Variants in TLCD4 observed in about 807,000 individuals in gnomAD.
TLCD4 encodes TLC domain-containing protein 4.
Under a neutral mutation model 24.2 loss-of-function variants are expected in TLCD4, and 7 were observed. The ratio of observed to expected loss-of-function variants is 0.29; its 90% CI spans 0.16 to 0.54. TLCD4 has a LOEUF of 0.54. TLCD4 is among the 20% of genes least tolerant of loss of function. The pLI, the probability that TLCD4 is intolerant of heterozygous loss-of-function variation, is 0.95. For synonymous variants in TLCD4, 103 were observed against 106.4 expected, an observed-to-expected ratio of 0.97 and a Z score of 0.20; for missense variants, 259 against 313.9, an observed-to-expected ratio of 0.82 and a Z score of 1.32.
the TLCD4 span, among the ~76,000 whole-genome samples, chr1:95,105,918 G>GA: frequency 4.1e-5 from 4 of 98,142 alleles, no homozygotes; most frequent in African/African-American, 1.2e-4. Context: ...AAAAAGAAAA[G>GA]AAAAAAGAAA....
the TLCD4 span, among the ~76,000 whole-genome samples, chr1:95,095,946 C>T: frequency 2.0e-5 from 3 of 152,116 alleles, no homozygotes; most frequent in South Asian, 2.1e-4. Context: ...ATGAGGTAAG[C>T]GATCAGGAGC....
intron 5 of TLCD4, among the ~76,000 whole-genome samples, chr1:95,173,463 C>T (rs951821125): frequency 6.6e-6 from 1 of 152,220 alleles, no homozygotes; most frequent in African/African-American, 2.4e-5. Flanking sequence ...GCGCGTGCCA[C>T]GTGATCATTC....
chr1:95,098,418 T>C, the TLCD4 span, among the ~76,000 whole-genome samples: 3 of 152,202 alleles, frequency 2.0e-5, no homozygotes, highest in Non-Finnish European at 4.4e-5. Context: ...ACCACTTTAG[T>C]GGCCTTAGCT....
At chr1:95,099,178 A>C in the TLCD4 span, among the ~76,000 whole-genome samples, 1 of 151,962 alleles carries the variant, frequency 6.6e-6, no homozygotes, top group South Asian at 2.1e-4. Context: ...CTATAATTCC[A>C]GCACTTTGGG....
chr1:95,126,129 T>TA lies in TLCD4; in HGVS notation c.-12+8525dup, dbSNP rs35251348. 6.6e-3 allele frequency among the ~76,000 whole-genome samples: 860 copies of TA among 129,482 alleles called. 5 individuals carry two copies. Among genetic ancestry groups the TA allele is most frequent in the African/African-American group, 0.021 (757 of 35,262 alleles). 84.9% of individuals were successfully genotyped at this position (129,482 alleles called of 152,430 possible). A position where few individuals can be genotyped will look rare whatever the true frequency, so the allele number is the denominator to read the frequency against. On this transcript the variant is annotated intron_variant, in intron 1 of 6. Transcript: ENST00000370203. The stretch of plus-strand genomic sequence containing the variant: ...CAACATAGCGAGACGCCATCACTAT[T>TA]AAAAAAAAAAAAAGAGGCCAAGCGC...
Position 95,195,736 on chromosome 1 carries a change from A to G in TLCD4, c.*3868A>G, listed in dbSNP as rs1553174108. 1.3e-5 allele frequency: 2 copies of G among 152,174 alleles called. No individual in the cohort carries two copies. Among genetic ancestry groups the G allele is most frequent in the African/African-American group, 2.4e-5 (1 of 41,444 alleles). 9.4% of individuals were successfully genotyped at this position (152,174 alleles called of 1,614,324 possible). A position where few individuals can be genotyped will look rare whatever the true frequency, so the allele number is the denominator to read the frequency against. ...GAAAGTGAGTTCTGATGCAAAACAC[A>G]TGTGAGGTGTGTAGGAACAATGAAA... On this transcript the variant is annotated 3_prime_UTR_variant, in exon 7 of 7. Coordinates refer to ENST00000370203, the MANE Select transcript of TLCD4 (RefSeq NM_152487.3).
intron 6 of TLCD4, among the ~76,000 whole-genome samples, chr1:95,174,429 G>A (rs757057029): frequency 2.6e-5 from 4 of 151,194 alleles, no homozygotes; most frequent in Non-Finnish European, 5.9e-5. Context: ...CCAGCACTTT[G>A]GGAGGTTGAG....
At chr1:95,165,133 C>T (rs1338886561) in intron 5 of TLCD4, 1 of 152,264 alleles carries the variant, frequency 6.6e-6, no homozygotes, top group African/African-American at 2.4e-5. Context: ...ACTGTTTCCT[C>T]AATCCCATGT....
At chr1:95,119,348 A>C (rs1056139391) in intron 1 of TLCD4, among the ~76,000 whole-genome samples, 2 of 152,164 alleles carry the variant, frequency 1.3e-5, no homozygotes, top group African/African-American at 4.8e-5. Context: ...TCTGATTGCC[A>C]AGGGAAGTCT....
chr1:95,122,945 T>A (rs1396396301), intron 1 of TLCD4, among the ~76,000 whole-genome samples: 2 of 152,166 alleles, frequency 1.3e-5, no homozygotes, highest in Non-Finnish European at 2.9e-5. Context: ...CAAGTTCTTT[T>A]TATAAAGTGT....
At chr1:95,178,886 C>G (rs1453281608) in intron 6 of TLCD4, among the ~76,000 whole-genome samples, 9 of 152,222 alleles carry the variant, frequency 5.9e-5, no homozygotes, top group Admixed American at 3.3e-4. Flanking sequence ...ATATTTCCCT[C>G]TATACTCAGT....
chr1:95,180,781 A>T (rs1264410587), intron 6 of TLCD4, among the ~76,000 whole-genome samples: 1 of 152,238 alleles, frequency 6.6e-6, no homozygotes, highest in East Asian at 1.9e-4. Flanking sequence ...GTGTTTCTTA[A>T]TATGTTCATT....
At chr1:95,134,403 G>C (rs1676990056) in intron 1 of TLCD4, among the ~76,000 whole-genome samples, 1 of 152,170 alleles carries the variant, frequency 6.6e-6, no homozygotes, top group South Asian at 2.1e-4. Context: ...GGAGAAATAA[G>C]GCCTGAAGGG....
At chr1:95,170,120 A>G (rs1420143886) in intron 5 of TLCD4, among the ~76,000 whole-genome samples, 1 of 152,168 alleles carries the variant, frequency 6.6e-6, no homozygotes. Flanking sequence ...ATGTAGTTAC[A>G]TAGAATGCCA....
intron 1 of TLCD4, among the ~76,000 whole-genome samples, chr1:95,130,452 C>T (rs545889602): frequency 2.0e-4 from 30 of 152,110 alleles, no homozygotes; most frequent in African/African-American, 6.3e-4. Flanking sequence ...GTGCCCGGCC[C>T]GACAGTTATT....
intron 5 of TLCD4, among the ~76,000 whole-genome samples, chr1:95,155,906 A>G (rs1025027807): frequency 1.3e-5 from 2 of 152,138 alleles, no homozygotes; most frequent in African/African-American, 4.8e-5. Context: ...AGATTTAAAT[A>G]TAAGATACTA....
chr1:95,164,089 G>C (rs1342644982), intron 5 of TLCD4: 2 of 152,312 alleles, frequency 1.3e-5, no homozygotes, highest in African/African-American at 4.8e-5. Flanking sequence ...GCTATGCCCT[G>C]CCCCCAGAGG....
At chr1:95,130,227 A>T (rs1288094980) in intron 1 of TLCD4, among the ~76,000 whole-genome samples, 1 of 142,388 alleles carries the variant, frequency 7.0e-6, no homozygotes, top group African/African-American at 2.5e-5. Context: ...ATCTCGGCTC[A>T]CTGCAGCCTC....
At chr1:95,182,602 G>T (rs943498824) in intron 6 of TLCD4, among the ~76,000 whole-genome samples, 1 of 152,118 alleles carries the variant, frequency 6.6e-6, no homozygotes, top group African/African-American at 2.4e-5. Flanking sequence ...TTTGTGCTAA[G>T]ATGCCAACAG....
Sources: allele counts gnomAD v4.1 joint callset (sites outside exome capture counted in the v4.1 genomes callset), GRCh38; gene constraint gnomAD v4.1.1; transcripts MANE v1.5; gene names NCBI Gene and HGNC (gene_info 2026-07-23, HGNC 2026-07-21).